The following LIPC variants were observed in gnomAD, a reference collection of about 807,000 sequenced individuals.
LIPC encodes hepatic triacylglycerol lipase.
Under a neutral mutation model 50.7 loss-of-function variants are expected in LIPC, and 44 were observed. That is an observed-to-expected ratio of 0.87 (90% CI 0.68 to 1.11). LIPC has a LOEUF of 1.11. LIPC is among the 50% of genes most tolerant of loss of function. The pLI, the probability that LIPC is intolerant of heterozygous loss-of-function variation, is 0.00. For synonymous variants in LIPC, 271 were observed against 256.4 expected (o/e 1.06, Z -0.54); for missense variants, 697 against 648.2 (o/e 1.08, Z -0.82).
intron 1 of LIPC, among the ~76,000 whole-genome samples, chr15:58,457,268 C>G (rs189559246): frequency 1.3e-5 from 2 of 152,290 alleles, no homozygotes; most frequent in Non-Finnish European, 2.9e-5. Context: ...CACCACCACG[C>G]CTGGCTAATT....
chr15:58,455,224 G>A (rs1463780128), intron 1 of LIPC, among the ~76,000 whole-genome samples: 1 of 152,216 alleles, frequency 6.6e-6, no homozygotes, highest in Non-Finnish European at 1.5e-5. Context: ...TCTCTGTAAA[G>A]GGCCAGACAG....
chr15:58,433,669 T>C (rs1172735271), intron 1 of LIPC, among the ~76,000 whole-genome samples: 2 of 152,192 alleles, frequency 1.3e-5, no homozygotes, highest in South Asian at 2.1e-4. Context: ...AGTGCTGAGA[T>C]AGAGGTTGAA....
At chr15:58,503,387 A>C (rs1892049792) in intron 1 of LIPC, among the ~76,000 whole-genome samples, 1 of 152,200 alleles carries the variant, frequency 6.6e-6, no homozygotes, top group Admixed American at 6.5e-5. Context: ...ACTAAGAGTC[A>C]GGGAGAGGTG....
chr15:58,445,053 C>A (rs1172738496), intron 1 of LIPC, among the ~76,000 whole-genome samples: 1 of 152,202 alleles, frequency 6.6e-6, no homozygotes, highest in African/African-American at 2.4e-5. Flanking sequence ...AGCAGCCCTG[C>A]TGAGACACAC....
intron 1 of LIPC, among the ~76,000 whole-genome samples, chr15:58,529,901 A>C (rs978515628): frequency 2.0e-5 from 3 of 152,198 alleles, no homozygotes; most frequent in Admixed American, 2.0e-4. Flanking sequence ...CAGTGGTTGG[A>C]GTGGGAGAAG....
chr15:58,481,306 C>T (rs567290162), intron 1 of LIPC, among the ~76,000 whole-genome samples: 2 of 152,092 alleles, frequency 1.3e-5, no homozygotes, highest in Non-Finnish European at 2.9e-5. Context: ...ATTAAAAAAA[C>T]CATAAATGTC....
intron 1 of LIPC, among the ~76,000 whole-genome samples, chr15:58,502,145 T>G (rs1892004707): frequency 6.6e-6 from 1 of 151,998 alleles, no homozygotes; most frequent in Non-Finnish European, 1.5e-5. Flanking sequence ...GTTCCCAGAG[T>G]GGGGCAGGAA....
At chr15:58,546,049 C>A in intron 5 of LIPC, 74 bp downstream of exon 5, 2 of 1,251,978 alleles carry the variant, frequency 1.6e-6, no homozygotes, top group Non-Finnish European at 2.3e-6. Flanking sequence ...CGGAATCTAC[C>A]AACATACGGG....
At position 58,476,230 on chromosome 15, in the gene LIPC, G is replaced by A. The variant is rs116168865; in HGVS notation, c.88+44110G>A. 3.3e-5 allele frequency among the ~76,000 whole-genome samples: 5 copies of A among 152,400 alleles called. No individual in the cohort carries two copies. In the East Asian group the frequency reaches 9.6e-4, roughly 29 times the overall value. The stretch of plus-strand genomic sequence containing the variant: ...CTGCTCTGGCACCCAGGTTCTCAGA[G>A]TCTCTGGTACAGCAGGGTGCCAAAG... On this transcript the variant is annotated intron_variant, in intron 1 of 8. Coordinates refer to ENST00000299022, the MANE Select transcript of LIPC (RefSeq NM_000236.3).
intron 1 of LIPC, among the ~76,000 whole-genome samples, chr15:58,509,589 A>T (rs1158470519): frequency 6.6e-6 from 1 of 151,820 alleles, no homozygotes; most frequent in Non-Finnish European, 1.5e-5. Flanking sequence ...TCATTTCCCA[A>T]ACACAATCTT....
chr15:58,518,924 C>T (rs1470305824), intron 1 of LIPC, among the ~76,000 whole-genome samples: 1 of 150,884 alleles, frequency 6.6e-6, no homozygotes, highest in East Asian at 1.9e-4. Flanking sequence ...GAGCTATACA[C>T]TTACGATTCG....
chr15:58,515,288 G>A (rs1162656246), intron 1 of LIPC, among the ~76,000 whole-genome samples: 1 of 152,134 alleles, frequency 6.6e-6, no homozygotes, highest in African/African-American at 2.4e-5. Context: ...AAATTTGGAG[G>A]TGGTCATTAT....
chr15:58,558,018 T>G (rs1013763941), intron 6 of LIPC, among the ~76,000 whole-genome samples: 13 of 152,042 alleles, frequency 8.6e-5, no homozygotes, highest in Non-Finnish European at 1.5e-4. Context: ...TCTCCAGTGG[T>G]GCCACCCAAG....
At chr15:58,517,372 A>G (rs1437604190) in intron 1 of LIPC, among the ~76,000 whole-genome samples, 4 of 152,254 alleles carry the variant, frequency 2.6e-5, no homozygotes, top group East Asian at 1.9e-4. Context: ...TGATGTTGCC[A>G]TAACACTGCA....
chr15:58,448,599 G>A (rs1420805745), intron 1 of LIPC, among the ~76,000 whole-genome samples: 5 of 152,258 alleles, frequency 3.3e-5, no homozygotes, highest in East Asian at 3.9e-4. Flanking sequence ...CTCAGCACTG[G>A]CAGAGGCCGG....
At chr15:58,558,692 C>T (rs988707978) in intron 6 of LIPC, among the ~76,000 whole-genome samples, 1 of 136,732 alleles carries the variant, frequency 7.3e-6, no homozygotes, top group Non-Finnish European at 1.6e-5. Flanking sequence ...AGCTATCCCC[C>T]CTGCCCCCAC....
intron 1 of LIPC, among the ~76,000 whole-genome samples, chr15:58,535,481 T>C (rs1893088047): frequency 6.6e-6 from 1 of 152,246 alleles, no homozygotes; most frequent in South Asian, 2.1e-4. Flanking sequence ...GCTTTCCATC[T>C]GACAACTGTT....
chr15:58,480,785 ATTC>A (rs1891158892), intron 1 of LIPC, among the ~76,000 whole-genome samples: 1 of 152,128 alleles, frequency 6.6e-6, no homozygotes, highest in Non-Finnish European at 1.5e-5. Flanking sequence ...GCCCAAGACA[ATTC>A]TTCTTCCAAT....
At chr15:58,533,617 T>A (rs576878085) in intron 1 of LIPC, among the ~76,000 whole-genome samples, 10 of 152,286 alleles carry the variant, frequency 6.6e-5, no homozygotes, top group African/African-American at 2.4e-4. Context: ...TTTTTCCAAG[T>A]ACGTTTTGAA....
Sources: gnomAD v4.1 joint callset for allele counts (sites outside exome capture counted in the v4.1 genomes callset) on GRCh38, gnomAD v4.1.1 for gene constraint, MANE v1.5 for transcripts, NCBI Gene and HGNC (gene_info 2026-07-23, HGNC 2026-07-21) for gene names.